FRMD5: variants seen among roughly 807,000 people sequenced by gnomAD.
The protein encoded by FRMD5 is FERM domain containing 5.
Under a neutral mutation model 69.0 loss-of-function variants are expected in FRMD5, and 20 were observed. The observed-to-expected ratio is 0.29, with a 90% confidence interval of 0.20 to 0.42. FRMD5 has a LOEUF of 0.42. FRMD5 is among the 10% of genes least tolerant of loss of function. The pLI is 1.00. For synonymous variants in FRMD5, 271 were observed against 260.1 expected, an observed-to-expected ratio of 1.04 and a Z score of -0.40; for missense variants, 595 against 708.6, an observed-to-expected ratio of 0.84 and a Z score of 1.82.
chr15:43,998,810 A>G (rs1253570197), intron 1 of FRMD5, among the ~76,000 whole-genome samples: 1 of 152,228 alleles, frequency 6.6e-6, no homozygotes, highest in East Asian at 1.9e-4. Flanking sequence ...TTTGAATGAA[A>G]GACTCCGCAT....
At chr15:44,027,540 G>A (rs140443509) in intron 1 of FRMD5, among the ~76,000 whole-genome samples, 3 of 152,006 alleles carry the variant, frequency 2.0e-5, no homozygotes, top group African/African-American at 4.8e-5. Context: ...CTTATTCTGC[G>A]ACCCTTGCAG....
intron 1 of FRMD5, among the ~76,000 whole-genome samples, chr15:44,167,032 A>AT (rs1485346799): frequency 6.6e-6 from 1 of 151,984 alleles, no homozygotes; most frequent in Non-Finnish European, 1.5e-5. Context: ...TTAATTAGCA[A>AT]TTTTTTTCTG....
intron 1 of FRMD5, among the ~76,000 whole-genome samples, chr15:44,006,462 C>T (rs767590843): frequency 1.3e-5 from 2 of 152,196 alleles, no homozygotes; most frequent in Non-Finnish European, 2.9e-5. Flanking sequence ...GTAATTTGCA[C>T]TTTCAAGTGT....
intron 1 of FRMD5, among the ~76,000 whole-genome samples, chr15:43,984,377 C>T (rs1388829145): frequency 6.6e-6 from 1 of 152,186 alleles, no homozygotes; most frequent in East Asian, 1.9e-4. Context: ...ACAAGTCAAA[C>T]AGATACCTAA....
intron 1 of FRMD5, among the ~76,000 whole-genome samples, chr15:44,041,386 C>T (rs1283480680): frequency 6.6e-6 from 1 of 152,088 alleles, no homozygotes; most frequent in Non-Finnish European, 1.5e-5. Flanking sequence ...ACAGAATATA[C>T]ATTCTGCTCA....
In FRMD5 at chr15:43,873,947, G is replaced by T. The variant is rs1215587973; in HGVS notation, c.1651C>A (p.Pro551Thr). 3 of 1,614,098 alleles carry T rather than the reference G, an allele frequency of 1.9e-6. No individual in the cohort carries two copies. The highest frequency in any genetic ancestry group is 2.5e-6 in the Non-Finnish European group (3 of 1,180,048). The part of the protein sequence containing the change: ...FEQFHYQYFC[P>T]LRRWFACKIR... ...TTGCAGGCAAACCATCGCCTGAGGG[G>T]ACAAAAGTATTGATAGTGGAATTGT... The change falls in exon 14 of 14, where the codon CCC becomes ACC. Residue 551 changes from proline (P) to threonine (T), a missense_variant. By Grantham distance (38) the Pro-to-Thr change is conservative. Transcript: ENST00000417257.
At chr15:44,028,531 T>TA (rs1891539307) in intron 1 of FRMD5, among the ~76,000 whole-genome samples, 2 of 152,220 alleles carry the variant, frequency 1.3e-5, no homozygotes, top group Admixed American at 1.3e-4. Flanking sequence ...CTCAGCGTTG[T>TA]AGCAGGTCTG....
intron 1 of FRMD5, among the ~76,000 whole-genome samples, chr15:43,940,557 C>G (rs965491085): frequency 1.3e-5 from 2 of 152,166 alleles, no homozygotes. Context: ...TTTCAAATAA[C>G]TGCCTTGGTA....
In FRMD5 at chr15:44,030,318, C is replaced by T. The variant is rs959446901; in HGVS notation, c.103-106009G>A. Among the ~76,000 whole-genome samples the T allele has an allele frequency of 2.6e-5, 4 of 152,002 alleles. No homozygotes were observed. The South Asian group carries it at 8.3e-4, about 32-fold the overall frequency. On this transcript the variant is annotated intron_variant, in intron 1 of 13. Coordinates refer to ENST00000417257, the MANE Select transcript of FRMD5 (RefSeq NM_032892.5). ...ATACCCAGAGTCAGATTATGAAGAG[C>T]AGAATCACAAAGCCACTCCATTTAT...
At chr15:44,118,169 A>G (rs1446298230) in intron 1 of FRMD5, among the ~76,000 whole-genome samples, 2 of 152,054 alleles carry the variant, frequency 1.3e-5, no homozygotes, top group African/African-American at 4.8e-5. Context: ...AAACTTCTGT[A>G]CTTAAACTTC....
intron 1 of FRMD5, among the ~76,000 whole-genome samples, chr15:43,972,951 C>T (rs181896289): frequency 3.3e-5 from 5 of 152,162 alleles, no homozygotes; most frequent in East Asian, 1.9e-4. Flanking sequence ...TTCCCCAGGC[C>T]GAATATCTAA....
intron 5 of FRMD5, among the ~76,000 whole-genome samples, chr15:43,906,952 C>T (rs563442397): frequency 6.6e-6 from 1 of 152,238 alleles, no homozygotes; most frequent in Non-Finnish European, 1.5e-5. Context: ...CAGGTGTGAG[C>T]CTTTCTCCTC....
intron 10 of FRMD5, among the ~76,000 whole-genome samples, chr15:43,886,202 C>A (rs1423650543): frequency 1.3e-5 from 2 of 152,124 alleles, no homozygotes; most frequent in Admixed American, 6.6e-5. Context: ...TAGGGGTCTC[C>A]TTTCCAGTCC....
chr15:44,028,116 C>T (rs1444918081), intron 1 of FRMD5, among the ~76,000 whole-genome samples: 1 of 152,094 alleles, frequency 6.6e-6, no homozygotes, highest in African/African-American at 2.4e-5. Context: ...AATGAACAAG[C>T]AGAGAAAAAT....
intron 1 of FRMD5, among the ~76,000 whole-genome samples, chr15:43,956,065 T>G (rs958617130): frequency 1.6e-4 from 25 of 152,222 alleles, no homozygotes; most frequent in African/African-American, 6.0e-4. Flanking sequence ...GACTAATAAT[T>G]TGAATATGAT....
intron 4 of FRMD5, among the ~76,000 whole-genome samples, chr15:43,916,031 C>T (rs1291137470): frequency 6.6e-6 from 1 of 152,186 alleles, no homozygotes; most frequent in Non-Finnish European, 1.5e-5. Flanking sequence ...GGCACAAAGA[C>T]TGCAAAGCAG....
At chr15:43,919,675 T>G (rs1214967995) in intron 3 of FRMD5, 92 bp downstream of exon 3, 1 of 1,451,672 alleles carries the variant, frequency 6.9e-7, no homozygotes. Context: ...AGTGGGAAAT[T>G]ATATATGTAG....
intron 1 of FRMD5, among the ~76,000 whole-genome samples, chr15:44,007,634 CTAA>C (rs1386014688): frequency 2.8e-4 from 34 of 119,364 alleles, no homozygotes; most frequent in South Asian, 2.2e-3. Flanking sequence ...AATTAATTAA[CTAA>C]TTTTTTTTTT....
intron 1 of FRMD5, among the ~76,000 whole-genome samples, chr15:44,045,981 T>C (rs1892410663): frequency 6.6e-6 from 1 of 152,188 alleles, no homozygotes. Flanking sequence ...TTGTATAGTC[T>C]CTTTGCTGCT....
Sources: allele counts gnomAD v4.1 joint callset (sites outside exome capture counted in the v4.1 genomes callset), GRCh38; gene constraint gnomAD v4.1.1; transcripts MANE v1.5; gene names NCBI Gene and HGNC (gene_info 2026-07-23, HGNC 2026-07-21).